Variants in NRF1 observed in about 807,000 individuals in gnomAD.
NRF1 encodes the protein nuclear respiratory factor 1.
Under a neutral mutation model 58.5 loss-of-function variants are expected in NRF1, and 5 were observed. The ratio of observed to expected loss-of-function variants is 0.09; its 90% confidence interval spans 0.04 to 0.18. The LOEUF (loss-of-function observed/expected upper bound fraction) is 0.18, where lower values mean the gene tolerates loss of function less well. NRF1 is among the 10% of genes least tolerant of loss of function. The pLI is 1.00. For synonymous variants in NRF1, 224 were observed against 246.7 expected (o/e 0.91, Z 0.86); for missense variants, 288 against 657.7 (o/e 0.44, Z 6.15).
chr7:129,754,920 C>A, intron 10 of NRF1, 98 bp from the exon 11 acceptor site: 1 of 1,261,824 alleles, frequency 7.9e-7, no homozygotes, highest in Non-Finnish European at 1.1e-6. Context: ...GGCTGGTGAC[C>A]ACGATACCTC....
At chr7:129,712,361 T>C (rs143519629) in intron 8 of NRF1, among the ~76,000 whole-genome samples, 35 of 152,270 alleles carry the variant, frequency 2.3e-4, no homozygotes, top group African/African-American at 7.7e-4. Flanking sequence ...GTTTGAAAAA[T>C]AGCCAACAGA....
chr7:129,671,420 T>C lies in NRF1; in HGVS notation c.224-9T>C. 1 of 1,591,768 alleles carries C rather than the reference T, an allele frequency of 6.3e-7. No homozygotes were observed. ...CTGCCTAATCTCAGCACATACGTTA[T>C]TATTTCAGGTCCTGTGGGAATGGCC... On this transcript the variant is annotated splice_polypyrimidine_tract_variant and intron_variant, in intron 2 of 10. Transcript: ENST00000393232.
chr7:129,699,738 A>G (rs1403295501), intron 5 of NRF1, among the ~76,000 whole-genome samples: 1 of 151,916 alleles, frequency 6.6e-6, no homozygotes, highest in African/African-American at 2.4e-5. Context: ...CTCAAAAAAA[A>G]AGAAAAAAAA....
intron 3 of NRF1, among the ~76,000 whole-genome samples, chr7:129,675,623 G>A (rs1223376974): frequency 1.3e-5 from 2 of 152,232 alleles, no homozygotes; most frequent in African/African-American, 4.8e-5. Context: ...GAGCTCTTGG[G>A]TGACTAGGTG....
At chr7:129,667,582 G>A (rs1459588931) in intron 2 of NRF1, among the ~76,000 whole-genome samples, 2 of 151,182 alleles carry the variant, frequency 1.3e-5, no homozygotes, top group African/African-American at 4.9e-5. Context: ...TGTTCATGAA[G>A]GTTTTTATTT....
chr7:129,637,114 G>A (rs925543874), intron 1 of NRF1, among the ~76,000 whole-genome samples: 1 of 152,122 alleles, frequency 6.6e-6, no homozygotes, highest in African/African-American at 2.4e-5. Flanking sequence ...TTCCACTTGT[G>A]CTCTGGAGTT....
chr7:129,723,451 A>AAG (rs1038271738), intron 9 of NRF1, among the ~76,000 whole-genome samples: 7 of 152,160 alleles, frequency 4.6e-5, no homozygotes, highest in African/African-American at 1.7e-4. Flanking sequence ...CTCAAAAAAA[A>AAG]AAAAAAAATT....
chr7:129,655,204 T>G (rs1463003178), intron 1 of NRF1, among the ~76,000 whole-genome samples: 6 of 152,222 alleles, frequency 3.9e-5, no homozygotes. Context: ...AGTATTTCAC[T>G]TTTTGGTGGT....
At chr7:129,646,689 G>T (rs922919825) in intron 1 of NRF1, among the ~76,000 whole-genome samples, 13 of 152,182 alleles carry the variant, frequency 8.5e-5, no homozygotes, top group African/African-American at 3.1e-4. Flanking sequence ...AAACAGCAAA[G>T]AAATCCCTTC....
intron 10 of NRF1, among the ~76,000 whole-genome samples, chr7:129,745,933 A>G (rs1803965985): frequency 6.6e-6 from 1 of 152,244 alleles, no homozygotes; most frequent in South Asian, 2.1e-4. Flanking sequence ...AAAAGCAGGC[A>G]AAAGATAGAG....
chr7:129,718,587 A>T (rs1375820187), intron 9 of NRF1, among the ~76,000 whole-genome samples: 1 of 152,232 alleles, frequency 6.6e-6, no homozygotes, highest in Non-Finnish European at 1.5e-5. Flanking sequence ...CACTTAGCAA[A>T]CAGTATTACT....
intron 9 of NRF1, among the ~76,000 whole-genome samples, chr7:129,719,945 G>A (rs1048552625): frequency 2.0e-5 from 3 of 152,120 alleles, no homozygotes; most frequent in Admixed American, 2.0e-4. Context: ...TGGGAACTCT[G>A]TACATAGTGG....
At chr7:129,681,167 A>G (rs936480177) in intron 4 of NRF1, among the ~76,000 whole-genome samples, 1 of 152,316 alleles carries the variant, frequency 6.6e-6, no homozygotes, top group Middle Eastern at 3.4e-3. Context: ...GGATGCAAGG[A>G]GGGGGTCCGG....
At chr7:129,616,152 C>T (rs1047133777) in intron 1 of NRF1, among the ~76,000 whole-genome samples, 3 of 152,160 alleles carry the variant, frequency 2.0e-5, no homozygotes, top group African/African-American at 7.2e-5. Context: ...GTTAGCAAAA[C>T]ATCCAAAAGG....
intron 10 of NRF1, among the ~76,000 whole-genome samples, chr7:129,748,274 CAAAAAAAAAA>C (rs10655886): frequency 0.014 from 1,082 of 78,082 alleles, 23 homozygotes; most frequent in African/African-American, 0.055. Context: ...GACTCCGTCT[CAAAAAAAAAA>C]AAAAAAAAAA....
chr7:129,735,124 C>A (rs1401472183), intron 10 of NRF1: 1 of 985,344 alleles, frequency 1.0e-6, no homozygotes, highest in Non-Finnish European at 1.2e-6. Flanking sequence ...ACATCTGTCT[C>A]CGCTGGTCAG....
chr7:129,679,492 CA>C (rs1339094537), intron 4 of NRF1, among the ~76,000 whole-genome samples: 1 of 152,108 alleles, frequency 6.6e-6, no homozygotes, highest in African/African-American at 2.4e-5. Flanking sequence ...CAATAAAAAG[CA>C]GGCAGATCAT....
chr7:129,697,680 T>G (rs1431392058), intron 5 of NRF1, among the ~76,000 whole-genome samples: 2 of 152,216 alleles, frequency 1.3e-5, no homozygotes, highest in African/African-American at 4.8e-5. Context: ...CTGTATTGTG[T>G]TCATTATTCA....
rs1408664134 is a variant in NRF1 at position 129,612,137 on chromosome 7, C to T, written c.-7+313C>T. On this transcript the variant is annotated intron_variant, in intron 1 of 10. Transcript: ENST00000393232. ...CGCCTGGGGCTCTCGGGGCCGCGGCCTTCTCCCCGCCGTGGAACCCGGGGC... is the reference window on the plus strand; with the variant it reads ...CGCCTGGGGCTCTCGGGGCCGCGGCTTTCTCCCCGCCGTGGAACCCGGGGC... Among the ~76,000 whole-genome samples, 4 of 150,618 alleles carry T rather than the reference C, an allele frequency of 2.7e-5. No homozygotes were observed. In the East Asian group the frequency reaches 5.9e-4, roughly 22 times the overall value.
Sources: allele counts gnomAD v4.1 joint callset (sites outside exome capture counted in the v4.1 genomes callset), GRCh38; gene constraint gnomAD v4.1.1; transcripts MANE v1.5; gene names NCBI Gene and HGNC (gene_info 2026-07-23, HGNC 2026-07-21).